The following ROR1 variants were observed in gnomAD, a reference collection of about 807,000 sequenced individuals.
ROR1 encodes the protein ROR family WNT receptor 1.
A neutral mutation model predicts 78.8 loss-of-function variants in ROR1; 19 were observed. That is an observed-to-expected ratio of 0.24 (90% CI 0.17 to 0.35). The LOEUF (loss-of-function observed/expected upper bound fraction) is 0.35. Ranked by LOEUF, ROR1 falls within the 10% of genes least tolerant of loss-of-function variation. ROR1 has a pLI of 1.00. For missense variants in ROR1, 917 were observed against 1,177.8 expected, an observed-to-expected ratio of 0.78 and a Z score of 3.24; for synonymous variants, 386 against 433.6, an observed-to-expected ratio of 0.89 and a Z score of 1.36.
intron 1 of ROR1, among the ~76,000 whole-genome samples, chr1:63,948,683 G>A (rs1301387717): frequency 6.6e-6 from 1 of 152,136 alleles, no homozygotes. Context: ...TTAGGAGATG[G>A]GGCCTTTGGA....
chr1:63,821,148 C>T (rs556024022), intron 1 of ROR1, among the ~76,000 whole-genome samples: 1 of 152,260 alleles, frequency 6.6e-6, no homozygotes, highest in South Asian at 2.1e-4. Flanking sequence ...TCACATTGTA[C>T]CTAGATTAAA....
intron 4 of ROR1, among the ~76,000 whole-genome samples, chr1:64,084,739 C>T (rs958206294): frequency 6.7e-6 from 1 of 149,638 alleles, no homozygotes; most frequent in African/African-American, 2.6e-5. Flanking sequence ...CTGTTAATTA[C>T]CCCCCAAACT....
intron 1 of ROR1, among the ~76,000 whole-genome samples, chr1:63,825,644 T>A (rs1163841245): frequency 2.0e-5 from 3 of 152,234 alleles, no homozygotes; most frequent in African/African-American, 7.2e-5. Context: ...AACTGTACAC[T>A]AAATGGGTGA....
At chr1:64,011,029 C>T (rs575472167) in intron 2 of ROR1, among the ~76,000 whole-genome samples, 1 of 152,306 alleles carries the variant, frequency 6.6e-6, no homozygotes, top group South Asian at 2.1e-4. Context: ...TGTATTTCCT[C>T]TCTGAGAAGA....
chr1:64,075,021 A>C (rs2100622712), intron 4 of ROR1, among the ~76,000 whole-genome samples: 1 of 152,286 alleles, frequency 6.6e-6, no homozygotes, highest in East Asian at 1.9e-4. Context: ...TAAGCTCCTG[A>C]CATACCTTAT....
chr1:64,129,703 G>A (rs1170207216), intron 4 of ROR1, among the ~76,000 whole-genome samples: 1 of 152,184 alleles, frequency 6.6e-6, no homozygotes, highest in East Asian at 1.9e-4. Context: ...CTTTTGATTA[G>A]CAGTCTTCTG....
At chr1:63,775,176 C>A (rs1221437835) in intron 1 of ROR1, 1 of 151,544 alleles carries the variant, frequency 6.6e-6, no homozygotes, top group East Asian at 1.9e-4. Context: ...GGTGTGCACG[C>A]GCGCGCGCGC....
chr1:63,936,780 C>T (rs1469150679), intron 1 of ROR1, among the ~76,000 whole-genome samples: 1 of 152,136 alleles, frequency 6.6e-6, no homozygotes, highest in Non-Finnish European at 1.5e-5. Context: ...CTATCAGGAA[C>T]AAATGAAGTT....
In ROR1 at chr1:64,178,519, T is replaced by C. The variant is rs1293162957; in HGVS notation, c.2478T>C (p.Pro826=). The change falls in exon 9 of 9, where the codon CCT becomes CCC. Residue 826 remains proline (P), a synonymous_variant. Coordinates refer to ENST00000371079, the MANE Select transcript of ROR1 (RefSeq NM_005012.4). This position sits in a 1 kb window ranked among gnomAD's most constrained non-coding sequence, Gnocchi z 4.3. ...FIPINGYPIP[P]GYAAFPAAHY... is the part of the protein sequence containing the mutation. ...CCATCAATGGATACCCAATACCTCC[T>C]GGATATGCAGCGTTTCCAGCTGCCC... 2.5e-6 allele frequency: 4 copies of C among 1,614,094 alleles called. No individual in the cohort carries two copies. The highest frequency in any genetic ancestry group is 2.7e-5 in the African/African-American group (2 of 74,930).
chr1:63,934,393 A>G (rs116100160), intron 1 of ROR1, among the ~76,000 whole-genome samples: 1,948 of 152,272 alleles, frequency 0.013, 40 homozygotes, highest in African/African-American at 0.045. Flanking sequence ...CACCAACCTC[A>G]TGGACTTGCT....
In ROR1 at chr1:63,958,429, T is replaced by G. The variant is rs568487086; in HGVS notation, c.92-50876T>G. Among the ~76,000 whole-genome samples the G allele has an allele frequency of 8.5e-5, 13 of 152,292 alleles. No individual in the cohort carries two copies. The South Asian group carries it at 2.5e-3, about 29-fold the overall frequency. On this transcript the variant is annotated intron_variant, in intron 1 of 8. Transcript: ENST00000371079. The stretch of plus-strand genomic sequence containing the variant: ...AGCAGCAATAATGGCAGTTAAATTT[T>G]CAATTCCCCAGGTGCATATGTCTTC...
chr1:63,877,730 A>G (rs966539140), intron 1 of ROR1, among the ~76,000 whole-genome samples: 2 of 152,146 alleles, frequency 1.3e-5, no homozygotes, highest in Non-Finnish European at 2.9e-5. Flanking sequence ...TAAAGGGAAG[A>G]TTTATATTTT....
chr1:64,123,312 T>C (rs947156054), intron 4 of ROR1, among the ~76,000 whole-genome samples: 1 of 152,248 alleles, frequency 6.6e-6, no homozygotes, highest in Admixed American at 6.5e-5. Flanking sequence ...CTTGTTATAC[T>C]ATTGTAAGTT....
At chr1:63,853,865 A>G (rs1209469462) in intron 1 of ROR1, among the ~76,000 whole-genome samples, 1 of 152,220 alleles carries the variant, frequency 6.6e-6, no homozygotes, top group Non-Finnish European at 1.5e-5. Flanking sequence ...ATAATTCTCT[A>G]CTAAAATCAC....
intron 4 of ROR1, among the ~76,000 whole-genome samples, chr1:64,090,576 GT>G (rs1468144005): frequency 6.6e-6 from 1 of 152,194 alleles, no homozygotes; most frequent in Non-Finnish European, 1.5e-5. Flanking sequence ...AAAGCTCAAT[GT>G]TTCCAAGAGG....
At chr1:64,156,366 G>A (rs948797522) in intron 7 of ROR1, among the ~76,000 whole-genome samples, 3 of 152,152 alleles carry the variant, frequency 2.0e-5, no homozygotes, top group African/African-American at 7.2e-5. Flanking sequence ...ATCATTACTG[G>A]TGCAACCAGC....
chr1:64,101,463 G>A (rs1334176752), intron 4 of ROR1, among the ~76,000 whole-genome samples: 3 of 152,160 alleles, frequency 2.0e-5, no homozygotes, highest in Non-Finnish European at 4.4e-5. Flanking sequence ...GGTTGGGGAG[G>A]AGGTAGAGAC....
chr1:63,857,540 G>C (rs968901373), intron 1 of ROR1, among the ~76,000 whole-genome samples: 1 of 152,144 alleles, frequency 6.6e-6, no homozygotes, highest in Non-Finnish European at 1.5e-5. Context: ...AGACTCAGAT[G>C]GTCTGCAAAT....
intron 1 of ROR1, among the ~76,000 whole-genome samples, chr1:64,007,055 G>T (rs1262228397): frequency 6.6e-6 from 1 of 152,134 alleles, no homozygotes; most frequent in Non-Finnish European, 1.5e-5. Flanking sequence ...GGTTTTACAG[G>T]CTTGAGTACT....
Sources: allele counts gnomAD v4.1 joint callset (sites outside exome capture counted in the v4.1 genomes callset), GRCh38; gene constraint gnomAD v4.1.1; non-coding constraint Gnocchi (gnomAD v3.1); transcripts MANE v1.5; gene names NCBI Gene and HGNC (gene_info 2026-07-23, HGNC 2026-07-21).